CEMIP2: variants seen among roughly 807,000 people sequenced by gnomAD.
The protein encoded by CEMIP2 is cell migration inducing hyaluronidase 2, also known as cell surface hyaluronidase CEMIP2.
CEMIP2 carries 79 observed loss-of-function variants against 146.9 expected under a neutral mutation model. The ratio of observed to expected loss-of-function variants is 0.54; its 90% CI spans 0.45 to 0.65. The LOEUF (loss-of-function observed/expected upper bound fraction) is 0.65. Ranked by LOEUF, CEMIP2 falls within the 30% of genes least tolerant of loss-of-function variation. CEMIP2 has a pLI of 0.00. For missense variants in CEMIP2, 1,596 were observed against 1,696.2 expected, an observed-to-expected ratio of 0.94 and a Z score of 1.04; for synonymous variants, 601 against 606.3, an observed-to-expected ratio of 0.99 and a Z score of 0.13.
At chr9:71,723,437 C>T (rs1433338478) in intron 11 of CEMIP2, among the ~76,000 whole-genome samples, 1 of 151,122 alleles carries the variant, frequency 6.6e-6, no homozygotes, top group Admixed American at 6.6e-5. Context: ...AGACTCATGG[C>T]CATACTAACA....
At chr9:71,741,583 G>A (rs1589158313) in intron 4 of CEMIP2, among the ~76,000 whole-genome samples, 1 of 136,852 alleles carries the variant, frequency 7.3e-6, no homozygotes, top group South Asian at 2.4e-4. Context: ...ATGTCTATTT[G>A]TTGACAGCAA....
chr9:71,715,237 CTTTT>C (rs34322815), intron 14 of CEMIP2, 148 bp from the exon 15 acceptor site: 12,085 of 228,682 alleles, frequency 0.053, no homozygotes, highest in Middle Eastern at 0.069. Flanking sequence ...TCAGAAACTG[CTTTT>C]TTTTTTTTTT....
rs1823062982 is a variant in CEMIP2 at position 71,716,561 on chromosome 9, G to A, written c.2400-9C>T. Reference sequence around the variant, plus strand: ...TTCCATTATCTGCAAATCTGTAAAAGAAGAGAGAATGAAGAACATTTTAAT... The same window carrying A: ...TTCCATTATCTGCAAATCTGTAAAAAAAGAGAGAATGAAGAACATTTTAAT... On this transcript the variant is annotated splice_polypyrimidine_tract_variant and intron_variant, in intron 13 of 23. Transcript: ENST00000377044. The A allele has an allele frequency of 6.3e-7, 1 of 1,588,716 alleles. No individual in the cohort carries two copies. Among genetic ancestry groups the A allele is most frequent in the Non-Finnish European group, 8.6e-7 (1 of 1,167,772 alleles).
At chr9:71,720,491 C>T (rs924975984) in intron 12 of CEMIP2, among the ~76,000 whole-genome samples, 3 of 152,132 alleles carry the variant, frequency 2.0e-5, no homozygotes, top group South Asian at 2.1e-4. Context: ...GGGGCTTCAC[C>T]GTGTTGGCCA....
intron 10 of CEMIP2, among the ~76,000 whole-genome samples, chr9:71,727,570 C>A (rs969536164): frequency 2.6e-5 from 4 of 152,116 alleles, no homozygotes; most frequent in African/African-American, 9.7e-5. Flanking sequence ...GCCTTTTTTC[C>A]TGTTATCTCA....
chr9:71,711,452 C>G (rs1415592774), intron 16 of CEMIP2, among the ~76,000 whole-genome samples: 1 of 151,508 alleles, frequency 6.6e-6, no homozygotes, highest in South Asian at 2.1e-4. Flanking sequence ...TGCTTGTATA[C>G]CCAGCTACTT....
chr9:71,738,299 G>A (rs569734543), intron 5 of CEMIP2, among the ~76,000 whole-genome samples: 3 of 152,254 alleles, frequency 2.0e-5, no homozygotes, highest in African/African-American at 7.2e-5. Context: ...GATCGCTTGA[G>A]GTCAGGAGTT....
At chr9:71,704,497 G>C (rs1822670085) in intron 18 of CEMIP2, 98 bp downstream of exon 18, 10 of 1,305,700 alleles carry the variant, frequency 7.7e-6, no homozygotes, top group Non-Finnish European at 1.1e-5. Context: ...TGTAAAATTG[G>C]CTTTCTTTGC....
intron 10 of CEMIP2, among the ~76,000 whole-genome samples, chr9:71,728,291 A>ATATACG (rs1554684769): frequency 5.8e-5 from 1 of 17,382 alleles, no homozygotes. Context: ...GTATATATAT[A>ATATACG]TATATATATA....
intron 12 of CEMIP2, among the ~76,000 whole-genome samples, chr9:71,720,404 C>A (rs62546996): frequency 0.047 from 7,204 of 152,280 alleles, 218 homozygotes; most frequent in South Asian, 0.069. Flanking sequence ...GATTCTCCTG[C>A]CTCAGTCTCC....
intron 16 of CEMIP2, 149 bp downstream of exon 16, chr9:71,711,934 G>A (rs1419603693): frequency 8.0e-6 from 6 of 748,128 alleles, no homozygotes; most frequent in Non-Finnish European, 1.3e-5. Context: ...ATGGGAGAGA[G>A]TGCATGGAAT....
At chr9:71,724,651 A>G (rs1823330305) in intron 11 of CEMIP2, among the ~76,000 whole-genome samples, 1 of 152,240 alleles carries the variant, frequency 6.6e-6, no homozygotes, top group Admixed American at 6.5e-5. Context: ...ATTTATCACC[A>G]GGGGGCGAAG....
Position 71,706,098 on chromosome 9 carries a change from G to A in CEMIP2, c.2986-1295C>T, listed in dbSNP as rs1027722935. ...ACAAAAATTAGCCAGGTGTGGTGGC[G>A]GGTGCCTGTAATCCCAGCTACTTGG... On this transcript the variant is annotated intron_variant, in intron 17 of 23. Coordinates refer to ENST00000377044, the MANE Select transcript of CEMIP2 (RefSeq NM_013390.3). 9.9e-5 allele frequency among the ~76,000 whole-genome samples: 15 copies of A among 151,806 alleles called. 1 individual carries two copies. Among genetic ancestry groups the A allele is most frequent in the East Asian group, 7.8e-4 (4 of 5,158 alleles).
chr9:71,712,610 A>G (rs940910564), intron 15 of CEMIP2, among the ~76,000 whole-genome samples: 18 of 152,258 alleles, frequency 1.2e-4, no homozygotes, highest in African/African-American at 4.3e-4. Flanking sequence ...TTTATTCGGA[A>G]CCTCAGGTAC....
chr9:71,724,013 TGG>T (rs1384082737), intron 11 of CEMIP2, among the ~76,000 whole-genome samples: 1 of 152,096 alleles, frequency 6.6e-6, no homozygotes, highest in African/African-American at 2.4e-5. Flanking sequence ...TCAATTAGAA[TGG>T]GGCCAGGCAT....
At chr9:71,749,914 AC>A in intron 2 of CEMIP2, 128 bp downstream of exon 2, 1 of 690,090 alleles carries the variant, frequency 1.4e-6, no homozygotes. Context: ...AAGAAGTGAC[AC>A]CTCGTATTAC....
chr9:71,734,250 C>T (rs72737981), intron 6 of CEMIP2, among the ~76,000 whole-genome samples: 9,756 of 150,524 alleles, frequency 0.065, 500 homozygotes, highest in South Asian at 0.19. Context: ...CACTCGAAAA[C>T]CATAGGATTT....
chr9:71,730,168 T>G lies in CEMIP2; in HGVS notation c.1859A>C (p.Asn620Thr). The G allele has an allele frequency of 6.2e-7, 1 of 1,614,146 alleles. No homozygotes were observed. Among genetic ancestry groups the G allele is most frequent in the Non-Finnish European group, 8.5e-7 (1 of 1,180,024 alleles). ...ACCCGGCTTGGTGAGGAGTCCCAGA[T>G]TGTGGAACAAAGTATTCCTCTGTTC... ...GIEQRNTLFH[N>T]LGLLTKPGTL... is the part of the protein sequence containing the mutation. The change falls in exon 9 of 24, where the codon AAT (asparagine) becomes ACT (threonine). Residue 620 changes from asparagine (N) to threonine (T), a missense_variant. By Grantham distance (65) the Asn-to-Thr change is moderately conservative. Transcript: ENST00000377044.
intron 7 of CEMIP2, 37 bp downstream of exon 7, chr9:71,732,314 C>A (rs904913005): frequency 2.0e-6 from 3 of 1,526,084 alleles, no homozygotes; most frequent in Admixed American, 4.4e-5. Flanking sequence ...ATTTAGCAAC[C>A]AGGATTTCAA....
Sources: gnomAD v4.1 joint callset for allele counts (sites outside exome capture counted in the v4.1 genomes callset) on GRCh38, gnomAD v4.1.1 for gene constraint, MANE v1.5 for transcripts, NCBI Gene and HGNC (gene_info 2026-07-23, HGNC 2026-07-21) for gene names.